Variants in TRAF5 observed in about 807,000 individuals in gnomAD.
TRAF5 encodes the protein TNF receptor associated factor 5, also known as TNF receptor-associated factor 5.
A neutral mutation model predicts 64.5 loss-of-function variants in TRAF5; 48 were observed. The observed-to-expected ratio is 0.74, with a 90% CI of 0.59 to 0.95. The LOEUF (loss-of-function observed/expected upper bound fraction) is 0.95, where lower values mean the gene tolerates loss of function less well. Ranked by LOEUF, TRAF5 falls within the 40% of genes least tolerant of loss-of-function variation. The probability of loss-of-function intolerance (pLI) is 0.00; values close to 1 mark genes in which losing one functional copy is unlikely to be tolerated. For missense variants in TRAF5, 545 were observed against 662.8 expected (o/e 0.82, Z 1.95); for synonymous variants, 206 against 240.5 (o/e 0.86, Z 1.33).
intron 7 of TRAF5, among the ~76,000 whole-genome samples, chr1:211,362,909 C>T (rs551921155): frequency 1.3e-5 from 2 of 151,906 alleles, no homozygotes; most frequent in Non-Finnish European, 2.9e-5. Flanking sequence ...TACAAAGAAA[C>T]CTTACATGTT....
At chr1:211,339,753 CA>C (rs1435005488) in intron 1 of TRAF5, among the ~76,000 whole-genome samples, 1 of 152,204 alleles carries the variant, frequency 6.6e-6, no homozygotes, top group Admixed American at 6.5e-5. Flanking sequence ...AGCCCTCCGC[CA>C]GGAAGCGTCT....
intron 7 of TRAF5, among the ~76,000 whole-genome samples, chr1:211,361,857 T>TG (rs2102759197): frequency 6.6e-6 from 1 of 151,856 alleles, no homozygotes; most frequent in African/African-American, 2.4e-5. Flanking sequence ...CCATCATGCC[T>TG]GGCTAATTTT....
At chr1:211,344,339 C>A (rs535629615) in intron 1 of TRAF5, among the ~76,000 whole-genome samples, 18 of 152,284 alleles carry the variant, frequency 1.2e-4, no homozygotes, top group African/African-American at 3.9e-4. Context: ...ATACTCACAT[C>A]ATTGTTTGTC....
At chr1:211,369,365 T>C in intron 8 of TRAF5, 87 bp from the exon 9 acceptor site, 2 of 1,182,710 alleles carry the variant, frequency 1.7e-6, no homozygotes, top group South Asian at 5.0e-5. Context: ...TAGAAATACT[T>C]TCTTAGCTGC....
rs904640678 is a variant in TRAF5 at position 211,374,207 on chromosome 1, C to T, written c.*1505C>T. The T allele has an allele frequency of 9.8e-5, 15 of 152,516 alleles. No individual in the cohort carries two copies. Among genetic ancestry groups the T allele is most frequent in the Admixed American group, 7.8e-4 (12 of 15,300 alleles). The allele number at this position is 152,516 out of a possible 1,614,324, so 9.4% of individuals were successfully genotyped here. A position where few individuals can be genotyped will look rare whatever the true frequency, so the allele number is the denominator to read the frequency against. ...CAAACTGAGATGAGTCCTTATGACTCTTGATAAGCCTGAGTTTAACAACAA... is the reference window on the plus strand; with the variant it reads ...CAAACTGAGATGAGTCCTTATGACTTTTGATAAGCCTGAGTTTAACAACAA... On this transcript the variant is annotated 3_prime_UTR_variant, in exon 11 of 11. Coordinates refer to ENST00000261464, the MANE Select transcript of TRAF5 (RefSeq NM_001033910.3).
intron 7 of TRAF5, among the ~76,000 whole-genome samples, chr1:211,363,227 A>G (rs1703243022): frequency 1.3e-5 from 2 of 152,208 alleles, no homozygotes; most frequent in African/African-American, 4.8e-5. Flanking sequence ...TTATACAGTG[A>G]TTTCACATAC....
Position 211,372,845 on chromosome 1 carries a change from T to C in TRAF5, c.*143T>C. 1.5e-6 allele frequency: 1 copy of C among 686,700 alleles called. No homozygotes were observed. Among genetic ancestry groups the C allele is most frequent in the Non-Finnish European group, 2.4e-6 (1 of 416,164 alleles). 42.5% of individuals were successfully genotyped at this position (686,700 alleles called of 1,614,324 possible). A position where few individuals can be genotyped will look rare whatever the true frequency, so the allele number is the denominator to read the frequency against. On this transcript the variant is annotated 3_prime_UTR_variant, in exon 11 of 11. Transcript: ENST00000261464. The stretch of plus-strand genomic sequence containing the variant: ...TTAACGTTTGAAGTCAGTTTAAAAC[T>C]TCTGAAGTGCTGTCTTTTTACATTT...
At chr1:211,347,032 C>T (rs971203260) in intron 1 of TRAF5, among the ~76,000 whole-genome samples, 5 of 152,044 alleles carry the variant, frequency 3.3e-5, no homozygotes, top group Admixed American at 6.6e-5. Context: ...GGCAAGAATA[C>T]GAATGCCATT....
At chr1:211,359,132 G>A (rs930053476) in intron 4 of TRAF5, 10 of 151,826 alleles carry the variant, frequency 6.6e-5, no homozygotes, top group Non-Finnish European at 1.3e-4. Context: ...AAAAAATTGT[G>A]GAGACAAGGT....
intron 8 of TRAF5, among the ~76,000 whole-genome samples, chr1:211,366,558 TC>T (rs1434665574): frequency 6.6e-6 from 1 of 152,178 alleles, no homozygotes. Flanking sequence ...AGCAGTTTAT[TC>T]TAGGGGAGTT....
chr1:211,347,997 C>T (rs967722143), intron 1 of TRAF5, among the ~76,000 whole-genome samples: 2 of 152,228 alleles, frequency 1.3e-5, no homozygotes, highest in African/African-American at 2.4e-5. Context: ...TAAATGTTTA[C>T]TAGCACAGCA....
chr1:211,351,031 CTTT>C (rs11426853), intron 1 of TRAF5, among the ~76,000 whole-genome samples: 16 of 116,038 alleles, frequency 1.4e-4, no homozygotes, highest in African/African-American at 5.4e-4. Context: ...CTGGCCTCTT[CTTT>C]TTTTTTTTTT....
intron 1 of TRAF5, among the ~76,000 whole-genome samples, chr1:211,338,379 C>T (rs887715263): frequency 6.6e-6 from 1 of 152,190 alleles, no homozygotes; most frequent in Non-Finnish European, 1.5e-5. Context: ...TATGCATACG[C>T]ATATCCCTAC....
intron 1 of TRAF5, among the ~76,000 whole-genome samples, chr1:211,334,532 C>G (rs908161405): frequency 2.0e-5 from 3 of 152,160 alleles, no homozygotes; most frequent in Non-Finnish European, 4.4e-5. Flanking sequence ...GTGGCACGCA[C>G]CTGTAGTCCC....
chr1:211,347,919 G>A (rs912479386), intron 1 of TRAF5, among the ~76,000 whole-genome samples: 3 of 152,200 alleles, frequency 2.0e-5, no homozygotes, highest in Admixed American at 1.3e-4. Flanking sequence ...TAGCCATAGT[G>A]GAAGTGTTTA....
chr1:211,331,611 G>A (rs1267933675), intron 1 of TRAF5, among the ~76,000 whole-genome samples: 1 of 152,090 alleles, frequency 6.6e-6, no homozygotes, highest in Non-Finnish European at 1.5e-5. Context: ...TAGCCTAAAG[G>A]CATTCAAATT....
intron 5 of TRAF5, 42 bp from the exon 6 acceptor site, chr1:211,360,660 T>C: frequency 6.5e-7 from 1 of 1,530,848 alleles, no homozygotes; most frequent in Non-Finnish European, 9.1e-7. Context: ...TGTGAGGCCA[T>C]GAAAGACAAC....
chr1:211,363,910 CAAA>C (rs35539677), intron 7 of TRAF5, among the ~76,000 whole-genome samples: 6 of 85,698 alleles, frequency 7.0e-5, no homozygotes, highest in Non-Finnish European at 9.1e-5. Flanking sequence ...GACCCTGTCT[CAAA>C]AAAAAAAAAA....
intron 1 of TRAF5, among the ~76,000 whole-genome samples, chr1:211,331,986 C>T (rs536183103): frequency 6.6e-6 from 1 of 152,192 alleles, no homozygotes; most frequent in Non-Finnish European, 1.5e-5. Flanking sequence ...ATCATTGAAA[C>T]TAGCCTATTG....
Sources: gnomAD v4.1 joint callset for allele counts (sites outside exome capture counted in the v4.1 genomes callset) on GRCh38, gnomAD v4.1.1 for gene constraint, MANE v1.5 for transcripts, NCBI Gene and HGNC (gene_info 2026-07-23, HGNC 2026-07-21) for gene names.